MEMO1: variants seen among roughly 807,000 people sequenced by gnomAD.
The protein encoded by MEMO1 is protein MEMO1.
MEMO1 carries 6 observed loss-of-function variants against 45.2 expected under a neutral mutation model. The observed-to-expected ratio is 0.13, with a 90% CI of 0.07 to 0.26. The LOEUF is 0.26. Ranked by LOEUF, MEMO1 falls within the 10% of genes least tolerant of loss-of-function variation. The probability of loss-of-function intolerance (pLI) is 1.00; values close to 1 mark genes in which losing one functional copy is unlikely to be tolerated. For missense variants in MEMO1, 184 were observed against 370.5 expected (o/e 0.50, Z 4.13); for synonymous variants, 78 against 124.3 (o/e 0.63, Z 2.48).
chr2:31,959,343 T>C (rs1432091446), intron 2 of MEMO1, among the ~76,000 whole-genome samples: 3 of 152,094 alleles, frequency 2.0e-5, no homozygotes, highest in Non-Finnish European at 4.4e-5. Flanking sequence ...TACAGGTACT[T>C]GGGCAGAGAA....
chr2:31,919,585 A>T (rs1681963935), intron 5 of MEMO1, among the ~76,000 whole-genome samples: 1 of 152,108 alleles, frequency 6.6e-6, no homozygotes, highest in Admixed American at 6.6e-5. Context: ...TTGGGAGGCC[A>T]AGACAGGAGA....
chr2:32,000,404 G>A (rs1673143783), intron 2 of MEMO1, among the ~76,000 whole-genome samples: 1 of 151,806 alleles, frequency 6.6e-6, no homozygotes, highest in Non-Finnish European at 1.5e-5. Context: ...CTAATTTTTT[G>A]TATTTTTAGT....
intron 6 of MEMO1, among the ~76,000 whole-genome samples, chr2:31,911,291 T>C (rs1680533255): frequency 6.6e-6 from 1 of 152,200 alleles, no homozygotes; most frequent in African/African-American, 2.4e-5. Flanking sequence ...TACTGCATGA[T>C]TCCCAACTGT....
intron 2 of MEMO1, among the ~76,000 whole-genome samples, chr2:31,969,279 A>C (rs939341801): frequency 1.3e-5 from 2 of 150,982 alleles, no homozygotes; most frequent in African/African-American, 4.9e-5. Context: ...ATATATATAT[A>C]TCCTGCTTTA....
intron 8 of MEMO1, among the ~76,000 whole-genome samples, chr2:31,878,274 A>G (rs180735764): frequency 1.4e-4 from 22 of 152,296 alleles, no homozygotes; most frequent in Admixed American, 1.4e-3. Flanking sequence ...GGGGCTGCAA[A>G]TCATGTTGGT....
chr2:31,927,912 AG>A (rs912454009), intron 4 of MEMO1, among the ~76,000 whole-genome samples: 4 of 152,184 alleles, frequency 2.6e-5, no homozygotes, highest in African/African-American at 7.2e-5. Context: ...TTAAATTTTT[AG>A]CTTTTAATAA....
At chr2:31,966,596 T>C (rs113183173) in intron 2 of MEMO1, among the ~76,000 whole-genome samples, 4,838 of 151,916 alleles carry the variant, frequency 0.032, 167 homozygotes, top group African/African-American at 0.079. Flanking sequence ...CCAGGCATGG[T>C]GGCACGACCT....
intron 2 of MEMO1, among the ~76,000 whole-genome samples, chr2:32,007,605 G>A (rs75228093): frequency 1.3e-5 from 2 of 152,136 alleles, no homozygotes; most frequent in Non-Finnish European, 2.9e-5. Context: ...CCTTATTTAT[G>A]TCGGTAATTA....
At chr2:31,965,715 C>A (rs921245559) in intron 2 of MEMO1, among the ~76,000 whole-genome samples, 3 of 152,116 alleles carry the variant, frequency 2.0e-5, no homozygotes, top group African/African-American at 7.2e-5. Flanking sequence ...CAAACTAATG[C>A]AAGAACAGAA....
intron 2 of MEMO1, among the ~76,000 whole-genome samples, chr2:31,991,294 C>T (rs1035562774): frequency 2.6e-5 from 4 of 152,078 alleles, no homozygotes; most frequent in Non-Finnish European, 5.9e-5. Flanking sequence ...AGGAATGGGC[C>T]GGGCGCGGTG....
intron 2 of MEMO1, among the ~76,000 whole-genome samples, chr2:31,944,061 G>A (rs1464938156): frequency 6.6e-6 from 1 of 151,952 alleles, no homozygotes; most frequent in Admixed American, 6.6e-5. Context: ...CCTTGCTGTG[G>A]CCTCACTCCT....
chr2:31,956,559 T>TG (rs1446703010), intron 2 of MEMO1, among the ~76,000 whole-genome samples: 1 of 152,184 alleles, frequency 6.6e-6, no homozygotes, highest in East Asian at 1.9e-4. Context: ...TAAGAGAGGC[T>TG]GTAATGATTG....
At chr2:31,967,124 A>ATTT (rs35691981) in intron 2 of MEMO1, among the ~76,000 whole-genome samples, 1 of 118,406 alleles carries the variant, frequency 8.4e-6, no homozygotes, top group African/African-American at 3.1e-5. Context: ...TCAGTATTTT[A>ATTT]TTTTTTTTTT....
intron 7 of MEMO1, among the ~76,000 whole-genome samples, chr2:31,890,588 C>T (rs566097362): frequency 2.8e-4 from 43 of 151,942 alleles, no homozygotes; most frequent in Non-Finnish European, 4.9e-4. Context: ...ATTAAAGAAC[C>T]CTGAATATTA....
chr2:31,955,798 G>C (rs962409056), intron 2 of MEMO1, among the ~76,000 whole-genome samples: 5 of 152,068 alleles, frequency 3.3e-5, no homozygotes, highest in Admixed American at 6.6e-5. Flanking sequence ...AGTAAAGACA[G>C]GGTTTTACCA....
At position 31,889,788 on chromosome 2, in the gene MEMO1, G is replaced by A. The variant is rs544706927; in HGVS notation, c.580+2204C>T. 3.3e-5 allele frequency among the ~76,000 whole-genome samples: 5 copies of A among 152,070 alleles called. No individual in the cohort carries two copies. The East Asian group carries it at 7.7e-4, about 23-fold the overall frequency. On this transcript the variant is annotated intron_variant, in intron 7 of 9. Coordinates refer to ENST00000404530, the MANE Select transcript of MEMO1 (RefSeq NM_001301833.4). ...TAAGTACAAAGAAAACATTTAATGA[G>A]TATTATTAATGATGATGATACTAAA...
At chr2:31,954,409 C>A (rs1667178490) in intron 2 of MEMO1, among the ~76,000 whole-genome samples, 1 of 152,006 alleles carries the variant, frequency 6.6e-6, no homozygotes, top group Admixed American at 6.6e-5. Flanking sequence ...CATAGTGAGA[C>A]CCCTGTTTAA....
rs575412427 is a variant in MEMO1 at position 31,926,607 on chromosome 2, G to T, written c.212+5460C>A. 8.5e-5 allele frequency among the ~76,000 whole-genome samples: 13 copies of T among 152,244 alleles called. No homozygotes were observed. In the East Asian group the frequency reaches 2.5e-3, roughly 29 times the overall value. On this transcript the variant is annotated intron_variant, in intron 4 of 9. Coordinates refer to ENST00000404530, the MANE Select transcript of MEMO1 (RefSeq NM_001301833.4). ...CTCACGCATGTAATCCCAGCACTTT[G>T]GGAGGCCGAGGTGGGTGGATCACCT...
At chr2:31,987,308 T>C (rs1671383987) in intron 2 of MEMO1, among the ~76,000 whole-genome samples, 1 of 152,200 alleles carries the variant, frequency 6.6e-6, no homozygotes, top group African/African-American at 2.4e-5. Context: ...CCAACAAATG[T>C]TTTGTTAATC....
Sources: allele counts gnomAD v4.1 joint callset (sites outside exome capture counted in the v4.1 genomes callset), GRCh38; gene constraint gnomAD v4.1.1; transcripts MANE v1.5; gene names NCBI Gene and HGNC (gene_info 2026-07-23, HGNC 2026-07-21).